SPOCK1: variants seen among roughly 807,000 people sequenced by gnomAD.
SPOCK1 encodes testican-1.
In SPOCK1, 23 loss-of-function variants were observed where a neutral mutation model predicts 55.3. The observed-to-expected ratio is 0.42, with a 90% confidence interval of 0.30 to 0.59. The LOEUF (loss-of-function observed/expected upper bound fraction) is 0.59. Ranked by LOEUF, SPOCK1 falls within the 20% of genes least tolerant of loss-of-function variation. The probability of loss-of-function intolerance (pLI) is 0.22; values close to 1 mark genes in which losing one functional copy is unlikely to be tolerated. For missense variants in SPOCK1, 499 were observed against 552.5 expected, an observed-to-expected ratio of 0.90 and a Z score of 0.97; for synonymous variants, 226 against 221.0, an observed-to-expected ratio of 1.02 and a Z score of -0.20.
At chr5:137,258,001 T>A (rs1275457562) in intron 3 of SPOCK1, among the ~76,000 whole-genome samples, 1 of 152,180 alleles carries the variant, frequency 6.6e-6, no homozygotes, top group Non-Finnish European at 1.5e-5. Context: ...CACACCCTTG[T>A]GGAATAGGCA....
At chr5:137,059,661 TA>T (rs1259686869) in intron 6 of SPOCK1, among the ~76,000 whole-genome samples, 2 of 151,934 alleles carry the variant, frequency 1.3e-5, no homozygotes, top group African/African-American at 2.4e-5. Flanking sequence ...ATCAACAGAG[TA>T]AATACACAAC....
chr5:137,344,003 C>T (rs1054700173), intron 2 of SPOCK1, among the ~76,000 whole-genome samples: 3 of 152,326 alleles, frequency 2.0e-5, no homozygotes, highest in South Asian at 4.1e-4. Flanking sequence ...CTCTTTTCCC[C>T]ACAGTGAGTA....
intron 4 of SPOCK1, among the ~76,000 whole-genome samples, chr5:137,121,423 T>C (rs993050982): frequency 1.1e-4 from 16 of 151,940 alleles, no homozygotes; most frequent in Non-Finnish European, 2.1e-4. Context: ...AGGAGCAAAT[T>C]ATGTGGCCAA....
At chr5:137,313,244 C>A (rs1580861736) in intron 2 of SPOCK1, among the ~76,000 whole-genome samples, 1 of 152,188 alleles carries the variant, frequency 6.6e-6, no homozygotes, top group Non-Finnish European at 1.5e-5. Flanking sequence ...ACTTTTGGAG[C>A]AACACATAAG....
chr5:137,235,769 T>C (rs544756195), intron 3 of SPOCK1, among the ~76,000 whole-genome samples: 2 of 152,274 alleles, frequency 1.3e-5, no homozygotes, highest in African/African-American at 4.8e-5. Flanking sequence ...ACTAGGAGTA[T>C]AGGAGTCTGT....
chr5:137,421,393 G>A (rs961391803), intron 2 of SPOCK1, among the ~76,000 whole-genome samples: 5 of 152,174 alleles, frequency 3.3e-5, no homozygotes, highest in African/African-American at 1.2e-4. Flanking sequence ...TGTTGACAGT[G>A]GGGTGTTAAA....
intron 2 of SPOCK1, among the ~76,000 whole-genome samples, chr5:137,394,981 A>G (rs1480435620): frequency 6.6e-6 from 1 of 152,242 alleles, no homozygotes; most frequent in East Asian, 1.9e-4. Context: ...AGCAAAGCTG[A>G]GGTCCAGCAA....
chr5:137,356,873 A>AGAGAGAGAGT (rs796667572), intron 2 of SPOCK1, among the ~76,000 whole-genome samples: 1,605 of 69,456 alleles, frequency 0.023, 194 homozygotes, highest in East Asian at 0.045. Context: ...AGAGAGAGAG[A>AGAGAGAGAGT]GAGTATGCAG....
At chr5:137,310,036 C>T (rs1051393906) in intron 2 of SPOCK1, among the ~76,000 whole-genome samples, 2 of 152,040 alleles carry the variant, frequency 1.3e-5, no homozygotes, top group Non-Finnish European at 2.9e-5. Flanking sequence ...GGCACAAAAG[C>T]CTAAAGAGAG....
At chr5:137,077,340 T>G (rs7726040) in intron 5 of SPOCK1, among the ~76,000 whole-genome samples, 1 of 152,124 alleles carries the variant, frequency 6.6e-6, no homozygotes, top group Non-Finnish European at 1.5e-5. Context: ...ACAGGAATCC[T>G]AGGAGGACAG....
chr5:137,394,843 C>T (rs1285125754), intron 2 of SPOCK1, among the ~76,000 whole-genome samples: 3 of 152,186 alleles, frequency 2.0e-5, no homozygotes, highest in Admixed American at 2.0e-4. Context: ...GGTCCTTAAC[C>T]CAAGACCCAT....
rs528005589 is a variant in SPOCK1 at position 137,297,863 on chromosome 5, C to A, written c.187-30808G>T. 2.0e-5 allele frequency among the ~76,000 whole-genome samples: 3 copies of A among 152,146 alleles called. No homozygotes were observed. The South Asian group carries it at 6.2e-4, about 32-fold the overall frequency. On this transcript the variant is annotated intron_variant, in intron 2 of 10. Coordinates refer to ENST00000394945, the MANE Select transcript of SPOCK1 (RefSeq NM_004598.4). ...AGGAGGAAAATGATAGGAGAAAGTA[C>A]AAATCGGGTAGGAATGGACATATTT...
intron 2 of SPOCK1, among the ~76,000 whole-genome samples, chr5:137,390,583 T>A (rs973365498): frequency 6.6e-6 from 1 of 152,204 alleles, no homozygotes. Flanking sequence ...ACAGTGGTTC[T>A]CCTGGTGAGC....
intron 2 of SPOCK1, among the ~76,000 whole-genome samples, chr5:137,421,434 G>A (rs888089524): frequency 2.0e-5 from 3 of 152,198 alleles, no homozygotes; most frequent in Admixed American, 2.0e-4. Context: ...GGGAGACTAA[G>A]TCTCTTTCTA....
At chr5:137,020,676 G>A (rs1167780886) in intron 6 of SPOCK1, among the ~76,000 whole-genome samples, 2 of 151,884 alleles carry the variant, frequency 1.3e-5, no homozygotes, top group Admixed American at 1.3e-4. Context: ...ACTGAAAAAA[G>A]GTTAGTATCC....
intron 3 of SPOCK1, among the ~76,000 whole-genome samples, chr5:137,166,702 TTTTG>T (rs1285553239): frequency 6.6e-6 from 1 of 152,122 alleles, no homozygotes; most frequent in East Asian, 1.9e-4. Flanking sequence ...TTAGTTTTGT[TTTTG>T]TTTATTTGTT....
chr5:137,258,075 T>C (rs1192073582), intron 3 of SPOCK1, among the ~76,000 whole-genome samples: 1 of 152,260 alleles, frequency 6.6e-6, no homozygotes, highest in African/African-American at 2.4e-5. Context: ...AGCAGTACTC[T>C]ATCTCCTGCC....
At chr5:137,442,844 C>T (rs1025286461) in intron 2 of SPOCK1, among the ~76,000 whole-genome samples, 1 of 152,234 alleles carries the variant, frequency 6.6e-6, no homozygotes, top group East Asian at 1.9e-4. Context: ...AATTAAATTC[C>T]TGGCATTGTT....
chr5:137,409,217 G>C (rs1752161316), intron 2 of SPOCK1, among the ~76,000 whole-genome samples: 1 of 152,176 alleles, frequency 6.6e-6, no homozygotes, highest in Non-Finnish European at 1.5e-5. Context: ...GAAAAGCCTG[G>C]AAGGAGGCAA....
Sources: allele counts gnomAD v4.1 joint callset (sites outside exome capture counted in the v4.1 genomes callset), GRCh38; gene constraint gnomAD v4.1.1; transcripts MANE v1.5; gene names NCBI Gene and HGNC (gene_info 2026-07-23, HGNC 2026-07-21).